Variants in SHANK2 observed in about 807,000 individuals in gnomAD.
SHANK2 encodes the protein SH3 and multiple ankyrin repeat domains 2.
SHANK2 carries 43 observed loss-of-function variants against 133.7 expected under a neutral mutation model. The observed-to-expected ratio is 0.32, with a 90% CI of 0.25 to 0.41. The LOEUF (loss-of-function observed/expected upper bound fraction) is 0.41, where lower values mean the gene tolerates loss of function less well. Among genes scored for constraint, SHANK2 ranks in the 10% least tolerant of loss-of-function variants. SHANK2 has a pLI of 1.00. For missense variants in SHANK2, 1,994 were observed against 2,235.8 expected, an observed-to-expected ratio of 0.89 and a Z score of 2.18; for synonymous variants, 1,017 against 952.8, an observed-to-expected ratio of 1.07 and a Z score of -1.24.
Position 71,090,442 on chromosome 11 carries a change from CGTGTGTGTGT to C in SHANK2, c.912+1970_912+1979del, listed in dbSNP as rs1181678975. On this transcript the variant is annotated intron_variant, in intron 8 of 25. Transcript: ENST00000601538. ...GCCAGGGTTCTCCAGAGAAACACTA[CGTGTGTGTGT>C]GTGTGTGTGTGTGTGTGTGTGTGTG... 7.8e-3 allele frequency among the ~76,000 whole-genome samples: 63 copies of C among 8,032 alleles called. 5 individuals carry two copies. The highest frequency in any genetic ancestry group is 0.012 in the Non-Finnish European group (59 of 4,754). The allele number at this position is 8,032 out of a possible 152,430, so 5.3% of individuals were successfully genotyped here.
intron 14 of SHANK2, among the ~76,000 whole-genome samples, chr11:70,720,596 G>A (rs1946054000): frequency 6.6e-6 from 1 of 152,226 alleles, no homozygotes; most frequent in Admixed American, 6.5e-5. Context: ...AGGTCCCCAG[G>A]AGGGAGGGCT....
chr11:71,189,142 C>T (rs1422944704), intron 2 of SHANK2, among the ~76,000 whole-genome samples: 1 of 152,254 alleles, frequency 6.6e-6, no homozygotes, highest in African/African-American at 2.4e-5. Context: ...CCCTCTCCCT[C>T]CCCTTGTTCC....
chr11:70,673,859 G>A (rs1220980237), intron 15 of SHANK2, among the ~76,000 whole-genome samples: 1 of 152,242 alleles, frequency 6.6e-6, no homozygotes, highest in African/African-American at 2.4e-5. Context: ...TTAAGAGACT[G>A]GTGTCACCAG....
chr11:70,947,611 C>T (rs1950766950), intron 10 of SHANK2, among the ~76,000 whole-genome samples: 1 of 152,152 alleles, frequency 6.6e-6, no homozygotes, highest in South Asian at 2.1e-4. Context: ...GGTGATCCTC[C>T]TGCCTTGGCC....
At chr11:70,900,110 C>T (rs1413841805) in intron 10 of SHANK2, among the ~76,000 whole-genome samples, 1 of 152,194 alleles carries the variant, frequency 6.6e-6, no homozygotes, top group Admixed American at 6.5e-5. Flanking sequence ...AATACTAGCA[C>T]TTTGGGAGGC....
At chr11:70,512,447 A>G (rs2059216375) in intron 17 of SHANK2, among the ~76,000 whole-genome samples, 1 of 152,228 alleles carries the variant, frequency 6.6e-6, no homozygotes, top group African/African-American at 2.4e-5. Flanking sequence ...AAATCTATTC[A>G]TAGCTTAAAC....
chr11:70,502,605 G>C (rs1162056002), intron 18 of SHANK2, among the ~76,000 whole-genome samples, 191 bp downstream of exon 18: 3 of 152,148 alleles, frequency 2.0e-5, no homozygotes, highest in African/African-American at 7.2e-5. Context: ...GGATGATTCC[G>C]GCAGCGTGTG....
chr11:71,179,494 G>T (rs1555113498), intron 2 of SHANK2, among the ~76,000 whole-genome samples: 1 of 152,220 alleles, frequency 6.6e-6, no homozygotes, highest in Non-Finnish European at 1.5e-5. Context: ...AAAACCCACA[G>T]TGTCCACCGT....
intron 14 of SHANK2, among the ~76,000 whole-genome samples, chr11:70,771,384 C>T (rs532157194): frequency 6.6e-4 from 100 of 152,318 alleles, no homozygotes; most frequent in African/African-American, 2.2e-3. Context: ...GGTCCCTGGG[C>T]GCCTGACCCA....
chr11:71,214,941 T>G (rs906158942), intron 2 of SHANK2, among the ~76,000 whole-genome samples: 20 of 152,296 alleles, frequency 1.3e-4, no homozygotes, highest in African/African-American at 4.8e-4. Flanking sequence ...CACATCCTCC[T>G]CTCGGCAGGG....
At chr11:71,153,815 C>CA in intron 2 of SHANK2, among the ~76,000 whole-genome samples, 1 of 152,036 alleles carries the variant, frequency 6.6e-6, no homozygotes. Context: ...ACTAAAAATA[C>CA]AAAAATTAGC....
At chr11:70,736,356 C>G (rs1172918022) in intron 14 of SHANK2, among the ~76,000 whole-genome samples, 2 of 152,124 alleles carry the variant, frequency 1.3e-5, no homozygotes, top group Non-Finnish European at 2.9e-5. Flanking sequence ...ACGAGTGTGA[C>G]CTGATTTGGA....
At chr11:71,167,580 C>T (rs1300489571) in intron 2 of SHANK2, among the ~76,000 whole-genome samples, 28 of 129,338 alleles carry the variant, frequency 2.2e-4, no homozygotes, top group African/African-American at 7.0e-4. Flanking sequence ...GGCGGCTGGC[C>T]GGGCAGAGGG....
intron 4 of SHANK2, among the ~76,000 whole-genome samples, chr11:71,116,495 C>T (rs1318089332): frequency 6.6e-6 from 1 of 152,244 alleles, no homozygotes; most frequent in African/African-American, 2.4e-5. Flanking sequence ...TACGGATCAG[C>T]CACTTCTGGA....
At chr11:70,797,994 T>G (rs1193522139) in intron 14 of SHANK2, among the ~76,000 whole-genome samples, 1 of 152,194 alleles carries the variant, frequency 6.6e-6, no homozygotes. Context: ...GATGCTGGAA[T>G]GGCTTCCCGT....
At position 70,492,443 on chromosome 11, in the gene SHANK2, C is replaced by G. The variant is rs782075096; in HGVS notation, c.2331G>C (p.Pro777=). ...KKKDKPEEIV[P]ASKPSRAAEN... ...CAGCAGCGCGGGAGGGCTTGGAGGC[C>G]GGGACTATCTCCTCGGGTTTATCTG... The change falls in exon 22 of 26, where the codon CCG becomes CCC. Residue 777 remains proline (P), a synonymous_variant. Transcript: ENST00000601538. The G allele has an allele frequency of 2.5e-6, 4 of 1,613,882 alleles. No homozygotes were observed. The highest frequency in any genetic ancestry group is 2.2e-5 in the South Asian group (2 of 91,088).
intron 15 of SHANK2, among the ~76,000 whole-genome samples, chr11:70,673,660 G>GT (rs1354153140): frequency 2.0e-5 from 3 of 152,242 alleles, no homozygotes; most frequent in Non-Finnish European, 2.9e-5. Flanking sequence ...GCAGCCCGTG[G>GT]TCCCCCCACC....
At chr11:70,818,399 C>T (rs973954568) in intron 12 of SHANK2, among the ~76,000 whole-genome samples, 13 of 152,196 alleles carry the variant, frequency 8.5e-5, no homozygotes, top group Non-Finnish European at 1.8e-4. Flanking sequence ...CAGACCGCAG[C>T]TGCAATACAC....
rs71469408 is a variant in SHANK2, at chr11:70,889,647, G to A, written c.1174+6854C>T. On this transcript the variant is annotated intron_variant, in intron 11 of 25. Transcript: ENST00000601538. ...CACTGAGTCAGACTCTGATGGTGGCGCTGGGCATCTGCATTCCACACAAGT... is the reference window on the plus strand; with the variant it reads ...CACTGAGTCAGACTCTGATGGTGGCACTGGGCATCTGCATTCCACACAAGT... Among the ~76,000 whole-genome samples the A allele has an allele frequency of 6.5e-3, 986 of 152,302 alleles. 10 individuals are homozygous for A. The highest frequency in any genetic ancestry group is 0.02 in the Middle Eastern group (6 of 294).
Sources: allele counts gnomAD v4.1 joint callset (sites outside exome capture counted in the v4.1 genomes callset), GRCh38; gene constraint gnomAD v4.1.1; transcripts MANE v1.5; gene names NCBI Gene and HGNC (gene_info 2026-07-23, HGNC 2026-07-21).